UNC13C: variants seen among roughly 807,000 people sequenced by gnomAD.
UNC13C encodes the protein protein unc-13 homolog C.
A neutral mutation model predicts 245.4 loss-of-function variants in UNC13C; 174 were observed. That is an observed-to-expected ratio of 0.71 (90% CI 0.63 to 0.80). UNC13C has a LOEUF of 0.80. UNC13C is among the 30% of genes least tolerant of loss of function. The pLI is 0.00. For missense variants in UNC13C, 2,829 were observed against 2,602.9 expected, an observed-to-expected ratio of 1.09 and a Z score of -1.89; for synonymous variants, 992 against 895.1, an observed-to-expected ratio of 1.11 and a Z score of -1.93.
intron 4 of UNC13C, among the ~76,000 whole-genome samples, chr15:54,147,313 G>T (rs567450588): frequency 2.6e-5 from 4 of 151,246 alleles, no homozygotes; most frequent in Non-Finnish European, 5.9e-5. Flanking sequence ...TCTGCCTCCC[G>T]GGTTCATGCC....
chr15:54,232,347 C>T (rs2035576022), intron 4 of UNC13C, among the ~76,000 whole-genome samples: 1 of 152,090 alleles, frequency 6.6e-6, no homozygotes, highest in Non-Finnish European at 1.5e-5. Flanking sequence ...CATGTCTGCT[C>T]ACTTGGGCTT....
At chr15:53,990,412 C>T (rs190419575) in intron 1 of UNC13C, among the ~76,000 whole-genome samples, 46 of 152,078 alleles carry the variant, frequency 3.0e-4, no homozygotes, top group African/African-American at 9.9e-4. Flanking sequence ...CTGTCTTGCC[C>T]TCTGCTAGCC....
At chr15:54,218,642 T>A (rs142174839) in intron 4 of UNC13C, among the ~76,000 whole-genome samples, 11 of 152,062 alleles carry the variant, frequency 7.2e-5, no homozygotes, top group African/African-American at 2.6e-4. Context: ...TTCTATATCC[T>A]GTAAGCAATC....
At chr15:54,371,202 G>A (rs541094894) in intron 17 of UNC13C, among the ~76,000 whole-genome samples, 3 of 152,114 alleles carry the variant, frequency 2.0e-5, no homozygotes, top group African/African-American at 7.2e-5. Flanking sequence ...GACCATTCCA[G>A]CCCCTGGTAA....
chr15:54,514,698 G>GT (rs368265346), intron 24 of UNC13C, among the ~76,000 whole-genome samples: 30,718 of 152,078 alleles, frequency 0.2, 3,357 homozygotes, highest in Admixed American at 0.26. Flanking sequence ...TGAGGCAGCT[G>GT]TTTTTTCTTC....
intron 28 of UNC13C, among the ~76,000 whole-genome samples, chr15:54,552,616 T>TTATATTATATAATTA (rs1896839725): frequency 1.4e-5 from 1 of 72,718 alleles, no homozygotes; most frequent in Non-Finnish European, 2.2e-5. Context: ...AATTATATAA[T>TTATATTATATAATTA]TATATTATAT....
rs529191671 is a variant in UNC13C, at chr15:54,389,390, G to T, written c.4714-3658G>T. Among the ~76,000 whole-genome samples, 8 of 152,298 alleles carry T rather than the reference G, an allele frequency of 5.3e-5. No homozygotes were observed. In the East Asian group the frequency reaches 1.5e-3, roughly 29 times the overall value. On this transcript the variant is annotated intron_variant, in intron 17 of 32. Transcript: ENST00000260323. Reference sequence around the variant, plus strand: ...AGACCTACTGAATCAGGAACCATGGGTCCCAGGACCTAGCAACCTGTCTGT... The same window carrying T: ...AGACCTACTGAATCAGGAACCATGGTTCCCAGGACCTAGCAACCTGTCTGT...
At chr15:54,190,033 A>G (rs1452385607) in intron 4 of UNC13C, among the ~76,000 whole-genome samples, 2 of 152,172 alleles carry the variant, frequency 1.3e-5, no homozygotes, top group Admixed American at 1.3e-4. Context: ...ATTCTACAAA[A>G]TTGTCCAGTG....
intron 18 of UNC13C, among the ~76,000 whole-genome samples, chr15:54,399,860 A>G (rs2040146565): frequency 6.6e-6 from 1 of 151,926 alleles, no homozygotes; most frequent in South Asian, 2.1e-4. Flanking sequence ...TTTTGGAAAT[A>G]ATGTTCAGAG....
intron 14 of UNC13C, among the ~76,000 whole-genome samples, chr15:54,328,009 C>G (rs964009050): frequency 6.6e-6 from 1 of 152,026 alleles, no homozygotes; most frequent in Non-Finnish European, 1.5e-5. Context: ...AAAGGGAGGT[C>G]GAGACCTAGA....
intron 2 of UNC13C, among the ~76,000 whole-genome samples, chr15:54,042,672 T>C (rs1015068284): frequency 2.6e-5 from 4 of 151,844 alleles, no homozygotes; most frequent in African/African-American, 9.7e-5. Flanking sequence ...GCTAACAGGG[T>C]GAAACCCCGT....
At chr15:54,394,219 C>T (rs1203370504) in intron 18 of UNC13C, among the ~76,000 whole-genome samples, 3 of 151,874 alleles carry the variant, frequency 2.0e-5, no homozygotes. Flanking sequence ...TTACTATTAA[C>T]CACCCATTTT....
At chr15:54,058,832 A>G (rs1432287345) in intron 2 of UNC13C, among the ~76,000 whole-genome samples, 1 of 152,232 alleles carries the variant, frequency 6.6e-6, no homozygotes, top group Non-Finnish European at 1.5e-5. Flanking sequence ...AACGTAATCC[A>G]GCATATAAAC....
intron 17 of UNC13C, among the ~76,000 whole-genome samples, chr15:54,368,692 T>C (rs912083038): frequency 6.6e-6 from 1 of 152,168 alleles, no homozygotes; most frequent in Non-Finnish European, 1.5e-5. Context: ...GTTTAATGAG[T>C]ATCTGCTATA....
chr15:54,369,723 A>G (rs1017952189), intron 17 of UNC13C, among the ~76,000 whole-genome samples: 1 of 152,278 alleles, frequency 6.6e-6, no homozygotes, highest in African/African-American at 2.4e-5. Flanking sequence ...ATGGATAAAC[A>G]ATGAAGAAAA....
chr15:54,403,670 C>A lies in UNC13C; in HGVS notation c.4847+10489C>A, dbSNP rs573513830. Among the ~76,000 whole-genome samples, 13 of 114,458 alleles carry A rather than the reference C, an allele frequency of 1.1e-4. No homozygotes were observed. In the East Asian group the frequency reaches 2.4e-3, roughly 21 times the overall value. 75.1% of individuals were successfully genotyped at this position (114,458 alleles called of 152,430 possible). A position where few individuals can be genotyped will look rare whatever the true frequency, so the allele number is the denominator to read the frequency against. ...AGGCAGAGGCTGCAGTGAGCCAAGG[C>A]AACACTCTGAGCAATAGACTGAGCA... On this transcript the variant is annotated intron_variant, in intron 18 of 32. Transcript: ENST00000260323.
chr15:54,366,169 T>C (rs1362289009), intron 17 of UNC13C, among the ~76,000 whole-genome samples: 1 of 152,210 alleles, frequency 6.6e-6, no homozygotes, highest in Non-Finnish European at 1.5e-5. Context: ...AAGCATCGTT[T>C]ATTATGGTTA....
chr15:53,889,945 T>C, the UNC13C span, among the ~76,000 whole-genome samples: 1 of 152,196 alleles, frequency 6.6e-6, no homozygotes, highest in Non-Finnish European at 1.5e-5. Context: ...TGCTGATAGA[T>C]TCGATTTGCC....
intron 4 of UNC13C, among the ~76,000 whole-genome samples, chr15:54,151,796 A>G (rs2032529403): frequency 1.3e-5 from 2 of 152,122 alleles, no homozygotes; most frequent in Admixed American, 6.5e-5. Flanking sequence ...AACTCTGACA[A>G]CTTTCCTTTA....
Sources: gnomAD v4.1 joint callset for allele counts (sites outside exome capture counted in the v4.1 genomes callset) on GRCh38, gnomAD v4.1.1 for gene constraint, MANE v1.5 for transcripts, NCBI Gene and HGNC (gene_info 2026-07-23, HGNC 2026-07-21) for gene names.